BAZ2B: variants seen among roughly 807,000 people sequenced by gnomAD.
BAZ2B encodes the protein bromodomain adjacent to zinc finger domain protein 2B.
In BAZ2B, 91 loss-of-function variants were observed where a neutral mutation model predicts 246.0. The observed-to-expected ratio is 0.37, with a 90% CI of 0.31 to 0.44. The LOEUF is 0.44. BAZ2B is among the 20% of genes least tolerant of loss of function. BAZ2B has a pLI of 1.00. For missense variants in BAZ2B, 2,332 were observed against 2,533.7 expected (o/e 0.92, Z 1.71); for synonymous variants, 855 against 860.0 (o/e 0.99, Z 0.10).
chr2:159,502,887 T>G (rs1439116886), intron 2 of BAZ2B, among the ~76,000 whole-genome samples: 1 of 152,190 alleles, frequency 6.6e-6, no homozygotes, highest in Admixed American at 6.5e-5. Context: ...ACCTCCACAT[T>G]ACATATACTT....
upstream of BAZ2B, among the ~76,000 whole-genome samples, chr2:159,617,377 C>T (rs1696206870): frequency 6.6e-6 from 1 of 152,008 alleles, no homozygotes; most frequent in African/African-American, 2.4e-5. Flanking sequence ...TACAATAGGC[C>T]CCATTCCCTC....
At chr2:159,622,037 C>T in the BAZ2B span, among the ~76,000 whole-genome samples, 1 of 151,182 alleles carries the variant, frequency 6.6e-6, no homozygotes, top group African/African-American at 2.4e-5. Flanking sequence ...AACCGGGAGG[C>T]GGAGGTTGCG....
intron 1 of BAZ2B, among the ~76,000 whole-genome samples, chr2:159,562,896 A>G (rs181854280): frequency 6.6e-6 from 1 of 152,254 alleles, no homozygotes; most frequent in Non-Finnish European, 1.5e-5. Flanking sequence ...AAATCACTCA[A>G]ATAAGCCAGC....
chr2:159,522,083 A>C (rs1226470325), intron 2 of BAZ2B, among the ~76,000 whole-genome samples: 1 of 151,996 alleles, frequency 6.6e-6, no homozygotes, highest in Non-Finnish European at 1.5e-5. Flanking sequence ...TTCCCTCAAA[A>C]TGTTTTACTA....
the BAZ2B span, among the ~76,000 whole-genome samples, chr2:159,698,515 C>CGA: frequency 7.7e-6 from 1 of 130,518 alleles, no homozygotes; most frequent in African/African-American, 3.0e-5. Flanking sequence ...CACCATCCCA[C>CGA]AAAAAAAAAA....
rs537044154 is a variant in BAZ2B, at chr2:159,530,732, G to GGC, written c.-3+25089_-3+25090dup. Among the ~76,000 whole-genome samples the GGC allele has an allele frequency of 3.3e-3, 501 of 152,258 alleles. 2 individuals carry two copies. The highest frequency in any genetic ancestry group is 6.3e-3 in the Non-Finnish European group (428 of 68,006). On this transcript the variant is annotated intron_variant, in intron 2 of 36. Transcript: ENST00000392783. ...ACACCTTAATCCTAGCACTTTGGGA[G>GGC]GCCAAGGTTGGTGGATCACTTGAGA...
At chr2:159,380,742 A>G (rs1398982354) in intron 25 of BAZ2B, among the ~76,000 whole-genome samples, 2 of 152,176 alleles carry the variant, frequency 1.3e-5, no homozygotes, top group African/African-American at 2.4e-5. Flanking sequence ...ACCAGCCCCC[A>G]GTAAAAACCT....
intron 2 of BAZ2B, among the ~76,000 whole-genome samples, chr2:159,482,713 A>G (rs1437492946): frequency 6.6e-6 from 1 of 152,210 alleles, no homozygotes; most frequent in African/African-American, 2.4e-5. Context: ...TTTTCCAAAT[A>G]AGCTGATTTT....
At chr2:159,611,328 A>C (rs1694678333) in intron 1 of BAZ2B, among the ~76,000 whole-genome samples, 1 of 151,926 alleles carries the variant, frequency 6.6e-6, no homozygotes. Context: ...ATTTATATGA[A>C]TATCTACCTC....
chr2:159,711,626 A>C, the BAZ2B span, among the ~76,000 whole-genome samples: 3 of 152,208 alleles, frequency 2.0e-5, no homozygotes, highest in African/African-American at 7.2e-5. Flanking sequence ...CCATTAAAAA[A>C]CTTTTGATTC....
intron 34 of BAZ2B, among the ~76,000 whole-genome samples, chr2:159,329,232 T>C (rs1260389063): frequency 6.6e-6 from 1 of 152,002 alleles, no homozygotes; most frequent in African/African-American, 2.4e-5. Flanking sequence ...CAATATAGTC[T>C]AACAACTATT....
At chr2:159,642,561 G>A in the BAZ2B span, among the ~76,000 whole-genome samples, 3 of 151,698 alleles carry the variant, frequency 2.0e-5, no homozygotes, top group African/African-American at 7.3e-5. Context: ...ATAACTAATG[G>A]GGGAAATTAT....
the BAZ2B span, among the ~76,000 whole-genome samples, chr2:159,626,422 C>T: frequency 0.066 from 9,985 of 151,924 alleles, 421 homozygotes; most frequent in Middle Eastern, 0.18. Context: ...CCACATAAGA[C>T]GTAAAACACT....
intron 25 of BAZ2B, among the ~76,000 whole-genome samples, chr2:159,380,431 C>T (rs942702855): frequency 2.0e-5 from 3 of 152,184 alleles, no homozygotes; most frequent in Admixed American, 1.3e-4. Context: ...GTCCATATCA[C>T]ACTGCTTTAA....
At chr2:159,446,654 A>C in intron 6 of BAZ2B, 128 bp downstream of exon 6, 1 of 771,236 alleles carries the variant, frequency 1.3e-6, no homozygotes, top group Non-Finnish European at 2.0e-6. Flanking sequence ...ACCATAAATC[A>C]CGTATCTATA....
chr2:159,334,092 A>G (rs1479703429), intron 33 of BAZ2B, among the ~76,000 whole-genome samples: 1 of 152,156 alleles, frequency 6.6e-6, no homozygotes, highest in Non-Finnish European at 1.5e-5. Context: ...GTAACAACAC[A>G]ATTTAAAAAT....
chr2:159,577,087 G>C (rs1461120032), intron 1 of BAZ2B, among the ~76,000 whole-genome samples: 2 of 151,772 alleles, frequency 1.3e-5, no homozygotes, highest in East Asian at 3.9e-4. Context: ...AATTAGTTGG[G>C]TGCAGTGGTG....
At chr2:159,637,706 C>T in the BAZ2B span, among the ~76,000 whole-genome samples, 1 of 152,148 alleles carries the variant, frequency 6.6e-6, no homozygotes, top group African/African-American at 2.4e-5. Context: ...TACAGGCGCA[C>T]ACCACCATGC....
At position 159,350,048 on chromosome 2, in the gene BAZ2B, A is replaced by G; in HGVS notation, c.4523T>C (p.Leu1508Pro). ...CGTTGCTGTTGACTGAACGCTGCCC[A>G]GTGAATGTTTTCCACTGTTCTGATA... ...LSYQNSGKHS[L>P]GSVQSTATQS... The change falls in exon 28 of 37, where the codon CTG (leucine) becomes CCG (proline). Residue 1508 changes from leucine (L) to proline (P), a missense_variant. By Grantham distance (98) the Leu-to-Pro change is moderately conservative (BLOSUM62 -3). Transcript: ENST00000392783. 6.2e-7 allele frequency: 1 copy of G among 1,614,186 alleles called. No individual in the cohort carries two copies. The highest frequency in any genetic ancestry group is 8.5e-7 in the Non-Finnish European group (1 of 1,180,018).
Sources: gnomAD v4.1 joint callset for allele counts (sites outside exome capture counted in the v4.1 genomes callset) on GRCh38, gnomAD v4.1.1 for gene constraint, MANE v1.5 for transcripts, NCBI Gene and HGNC (gene_info 2026-07-23, HGNC 2026-07-21) for gene names.